Variants in WDFY3 observed in about 807,000 individuals in gnomAD.
WDFY3 encodes WD repeat and FYVE domain-containing protein 3.
A neutral mutation model predicts 409.6 loss-of-function variants in WDFY3; 66 were observed. The ratio of observed to expected loss-of-function variants is 0.16; its 90% CI spans 0.13 to 0.20. The LOEUF (loss-of-function observed/expected upper bound fraction) is 0.20, where lower values mean the gene tolerates loss of function less well. WDFY3 is among the 10% of genes least tolerant of loss of function. WDFY3 has a pLI of 1.00. For missense variants in WDFY3, 3,031 were observed against 4,298.1 expected (o/e 0.71, Z 8.24); for synonymous variants, 1,521 against 1,537.1 (o/e 0.99, Z 0.25).
In WDFY3 at chr4:84,705,549, A is replaced by C. The variant is rs775056543; in HGVS notation, c.8218-38T>G. 61 of 1,494,810 alleles carry C rather than the reference A, an allele frequency of 4.1e-5. No individual in the cohort carries two copies. The Middle Eastern group carries it at 5.1e-4, about 13-fold the overall frequency. The allele number at this position is 1,494,810 out of a possible 1,614,324, so 92.6% of individuals were successfully genotyped here. A position where few individuals can be genotyped will look rare whatever the true frequency, so the allele number is the denominator to read the frequency against. On this transcript the variant is annotated intron_variant, in intron 53 of 67. Transcript: ENST00000295888. ...ATGTAACTCAATTCCAAGTTACTATACACTATCTAGCCTCACTAACGTAGA... is the reference window on the plus strand; with the variant it reads ...ATGTAACTCAATTCCAAGTTACTATCCACTATCTAGCCTCACTAACGTAGA...
chr4:84,902,312 T>C (rs907871306), intron 2 of WDFY3, among the ~76,000 whole-genome samples: 19 of 152,150 alleles, frequency 1.2e-4, no homozygotes, highest in African/African-American at 2.2e-4. Flanking sequence ...AAACAAGAGG[T>C]AGAATTCAGT....
Position 84,733,913 on chromosome 4 carries a change from G to C in WDFY3, c.6994-304C>G, listed in dbSNP as rs1737011550. On this transcript the variant is annotated intron_variant, in intron 43 of 67. Coordinates refer to ENST00000295888, the MANE Select transcript of WDFY3 (RefSeq NM_014991.6). ...ACAGGAAAGATGGTAATATTACTAT[G>C]AATTATATTGAAATGGTTAGCCCTA... is the stretch of plus-strand genomic sequence containing the variant. Among the ~76,000 whole-genome samples the C allele has an allele frequency of 1.3e-5, 2 of 152,094 alleles. 1 individual carries two copies. Among genetic ancestry groups the C allele is most frequent in the Admixed American group, 1.3e-4 (2 of 15,256 alleles).
intron 2 of WDFY3, among the ~76,000 whole-genome samples, chr4:84,910,844 T>A (rs1222951073): frequency 1.1e-4 from 16 of 152,152 alleles, no homozygotes; most frequent in Non-Finnish European, 7.4e-5. Context: ...TAGCTGGGAT[T>A]ACAGGTGTGT....
chr4:84,742,495 A>G (rs1343335347), intron 37 of WDFY3, among the ~76,000 whole-genome samples: 4 of 152,086 alleles, frequency 2.6e-5, no homozygotes, highest in Non-Finnish European at 5.9e-5. Context: ...TATTGCTTTC[A>G]GACTAATCCT....
chr4:84,801,965 G>A, intron 16 of WDFY3, 101 bp from the exon 17 acceptor site: 10 of 981,198 alleles, frequency 1.0e-5, no homozygotes, highest in Non-Finnish European at 1.5e-5. Context: ...TTTTTTTTTT[G>A]AGACGGAGTT....
intron 2 of WDFY3, among the ~76,000 whole-genome samples, chr4:84,899,709 A>G (rs1047616381): frequency 6.6e-6 from 1 of 152,124 alleles, no homozygotes. Flanking sequence ...CCAGTCCTCT[A>G]CAGAAAAAGT....
chr4:84,674,875 AT>A (rs1726000487), intron 67 of WDFY3, among the ~76,000 whole-genome samples: 1 of 151,814 alleles, frequency 6.6e-6, no homozygotes. Flanking sequence ...CTCAAAAAAA[AT>A]AAAAATAAAA....
chr4:84,766,230 C>G, intron 31 of WDFY3, 22 bp downstream of exon 31: 1 of 1,565,334 alleles, frequency 6.4e-7, no homozygotes, highest in Non-Finnish European at 8.7e-7. Context: ...GGTATAATCA[C>G]TTTTAAAAAA....
chr4:84,949,283 T>C (rs1773302432), intron 1 of WDFY3, among the ~76,000 whole-genome samples: 1 of 152,198 alleles, frequency 6.6e-6, no homozygotes, highest in Admixed American at 6.5e-5. Flanking sequence ...AGTTATTTTC[T>C]AAATGGCATA....
intron 2 of WDFY3, among the ~76,000 whole-genome samples, chr4:84,919,402 A>G (rs1768948594): frequency 6.6e-6 from 1 of 152,114 alleles, no homozygotes; most frequent in Non-Finnish European, 1.5e-5. Context: ...AGGGGATGAA[A>G]TGTTATGAGG....
At chr4:84,823,296 G>A (rs1248970576) in intron 10 of WDFY3, among the ~76,000 whole-genome samples, 1 of 152,024 alleles carries the variant, frequency 6.6e-6, no homozygotes, top group Non-Finnish European at 1.5e-5. Flanking sequence ...AACTTAAAAT[G>A]TACCATAGAC....
At chr4:84,688,307 T>C in intron 61 of WDFY3, 42 bp from the exon 62 acceptor site, 1 of 1,589,294 alleles carries the variant, frequency 6.3e-7, no homozygotes, top group Non-Finnish European at 8.6e-7. Flanking sequence ...TTGATCTCAG[T>C]GACAGGGTTC....
At chr4:84,713,367 C>T (rs1415919812) in intron 50 of WDFY3, 128 bp from the exon 51 acceptor site, 1 of 731,816 alleles carries the variant, frequency 1.4e-6, no homozygotes, top group Non-Finnish European at 2.3e-6. Context: ...CACTAAATGG[C>T]AGGCAAAAGG....
chr4:84,950,659 A>C (rs983477994), intron 1 of WDFY3, among the ~76,000 whole-genome samples: 2 of 152,112 alleles, frequency 1.3e-5, no homozygotes, highest in African/African-American at 4.8e-5. Flanking sequence ...GCATGGTGGC[A>C]TGCGCCTGTA....
intron 5 of WDFY3, among the ~76,000 whole-genome samples, chr4:84,848,353 A>T (rs867003119): frequency 6.6e-6 from 1 of 152,122 alleles, no homozygotes. Flanking sequence ...ATAAAAGAAA[A>T]TTTTTTAAAT....
chr4:84,760,577 C>T (rs1421352943), intron 32 of WDFY3, among the ~76,000 whole-genome samples: 2 of 152,172 alleles, frequency 1.3e-5, no homozygotes, highest in African/African-American at 4.8e-5. Context: ...TCTAGATTTT[C>T]TAGTTTATTT....
intron 23 of WDFY3, 106 bp downstream of exon 23, chr4:84,787,376 C>T (rs1747744970): frequency 1.0e-5 from 11 of 1,078,258 alleles, no homozygotes; most frequent in South Asian, 3.3e-5. Flanking sequence ...GAGGAGAAGG[C>T]GCTTTTCCTA....
chr4:84,721,544 G>A lies in WDFY3; in HGVS notation c.7470C>T (p.Ser2490=). 1 of 1,608,558 alleles carries A rather than the reference G, an allele frequency of 6.2e-7. No homozygotes were observed. The highest frequency in any genetic ancestry group is 1.1e-5 in the South Asian group (1 of 91,072). ...CATCTCCTCCATCAGGTGCAGATCG[G>A]GAGCGTTTTAGAGGAGGCTTGACCA... ...KGLVKPPLKR[S]RSAPDGGDEE... Residue 2490 remains serine (S), a synonymous_variant, in exon 47 of 68, where the codon TCC becomes TCT. Coordinates refer to ENST00000295888, the MANE Select transcript of WDFY3 (RefSeq NM_014991.6).
chr4:84,862,378 T>C (rs1007599089), intron 3 of WDFY3, among the ~76,000 whole-genome samples: 1 of 152,318 alleles, frequency 6.6e-6, no homozygotes, highest in East Asian at 1.9e-4. Flanking sequence ...GGGGGGAGCA[T>C]TTAATCTGCA....
Sources: allele counts gnomAD v4.1 joint callset (sites outside exome capture counted in the v4.1 genomes callset), GRCh38; gene constraint gnomAD v4.1.1; transcripts MANE v1.5; gene names NCBI Gene and HGNC (gene_info 2026-07-23, HGNC 2026-07-21).